Variants in CDH4 observed in about 807,000 individuals in gnomAD.
CDH4 encodes cadherin 4.
CDH4 carries 33 observed loss-of-function variants against 86.0 expected under a neutral mutation model. The ratio of observed to expected loss-of-function variants is 0.38; its 90% confidence interval spans 0.29 to 0.51. CDH4 has a LOEUF of 0.51. Ranked by LOEUF, CDH4 falls within the 20% of genes least tolerant of loss-of-function variation. CDH4 has a pLI of 0.86. For synonymous variants in CDH4, 555 were observed against 549.4 expected (o/e 1.01, Z -0.14); for missense variants, 1,114 against 1,307.4 (o/e 0.85, Z 2.28).
intron 6 of CDH4, among the ~76,000 whole-genome samples, chr20:61,859,692 G>A (rs972455969): frequency 3.9e-5 from 6 of 152,244 alleles, no homozygotes; most frequent in African/African-American, 1.4e-4. Flanking sequence ...ATCTTTGCAG[G>A]ACATCCATTG....
chr20:61,317,233 C>T (rs2084481660), intron 2 of CDH4, among the ~76,000 whole-genome samples: 1 of 152,074 alleles, frequency 6.6e-6, no homozygotes, highest in East Asian at 1.9e-4. Context: ...AACAAATTAG[C>T]CAGCTGTGGT....
chr20:61,520,943 T>C (rs1472630767), intron 2 of CDH4, among the ~76,000 whole-genome samples: 1 of 151,978 alleles, frequency 6.6e-6, no homozygotes, highest in African/African-American at 2.4e-5. Flanking sequence ...TCTGCGGGGG[T>C]GCAGCTCCAG....
intron 2 of CDH4, among the ~76,000 whole-genome samples, chr20:61,451,650 A>G (rs1320541799): frequency 6.6e-6 from 1 of 151,944 alleles, no homozygotes; most frequent in African/African-American, 2.4e-5. Context: ...GGGGTCGCCA[A>G]GGAAAACTGT....
chr20:61,552,966 T>C (rs959248392), intron 2 of CDH4, among the ~76,000 whole-genome samples: 17 of 152,192 alleles, frequency 1.1e-4, no homozygotes, highest in Admixed American at 7.8e-4. Flanking sequence ...CAAAATAGTG[T>C]GTCCACACAA....
intron 2 of CDH4, among the ~76,000 whole-genome samples, chr20:61,482,735 T>A (rs1375780721): frequency 1.3e-5 from 2 of 152,204 alleles, no homozygotes; most frequent in Non-Finnish European, 2.9e-5. Flanking sequence ...CCACCTGGCC[T>A]AGCTGTCTGT....
chr20:61,856,345 G>C (rs1393475636), intron 6 of CDH4, among the ~76,000 whole-genome samples: 2 of 152,086 alleles, frequency 1.3e-5, no homozygotes, highest in Non-Finnish European at 2.9e-5. Context: ...ACAGGCCCGG[G>C]ATCCATGAGG....
intron 8 of CDH4, among the ~76,000 whole-genome samples, chr20:61,908,453 C>T (rs2054815427): frequency 6.6e-6 from 1 of 152,148 alleles, no homozygotes; most frequent in African/African-American, 2.4e-5. Flanking sequence ...GGAAGGGGCG[C>T]GGGTGGGTCG....
chr20:61,679,641 G>A (rs1160984894), intron 2 of CDH4, among the ~76,000 whole-genome samples: 5 of 152,240 alleles, frequency 3.3e-5, no homozygotes, highest in Non-Finnish European at 5.9e-5. Context: ...GGGCAGGTGA[G>A]CAGCTGCGTG....
At chr20:61,691,370 T>TATGTGTGTGTATTTGTGTGG (rs1256089637) in intron 2 of CDH4, among the ~76,000 whole-genome samples, 10 of 152,002 alleles carry the variant, frequency 6.6e-5, no homozygotes, top group African/African-American at 1.9e-4. Flanking sequence ...TGCATGTGCA[T>TATGTGTGTGTATTTGTGTGG]ATGTGTGTGT....
Position 61,773,311 on chromosome 20 carries a change from T to A in CDH4, c.576+129T>A. The A allele has an allele frequency of 3.4e-6, 3 of 881,896 alleles. 1 individual carries two copies. The highest frequency in any genetic ancestry group is 1.9e-5 in the South Asian group (1 of 52,610). 54.6% of individuals were successfully genotyped at this position (881,896 alleles called of 1,614,324 possible). A position where few individuals can be genotyped will look rare whatever the true frequency, so the allele number is the denominator to read the frequency against. On this transcript the variant is annotated intron_variant, in intron 4 of 15. Coordinates refer to ENST00000614565, the MANE Select transcript of CDH4 (RefSeq NM_001794.5). ...GAAGGTCGCGATTTCACCCTTTCTG[T>A]AATGAGATAAGCCTTACACAGCGCG...
intron 2 of CDH4, among the ~76,000 whole-genome samples, chr20:61,651,601 T>C (rs1292121751): frequency 6.6e-6 from 1 of 152,188 alleles, no homozygotes; most frequent in African/African-American, 2.4e-5. Context: ...TTAGTTGCCC[T>C]GTTACCTCAG....
intron 2 of CDH4, among the ~76,000 whole-genome samples, chr20:61,442,456 C>T (rs2085319687): frequency 6.6e-6 from 1 of 152,200 alleles, no homozygotes; most frequent in African/African-American, 2.4e-5. Flanking sequence ...AATAACAGAT[C>T]GTGAGAACTC....
chr20:61,422,441 A>C lies in CDH4; in HGVS notation c.169+167504A>C, dbSNP rs1050302934. On this transcript the variant is annotated intron_variant, in intron 2 of 15. Coordinates refer to ENST00000614565, the MANE Select transcript of CDH4 (RefSeq NM_001794.5). The stretch of plus-strand genomic sequence containing the variant: ...CTCCGTCTCAAAAAAAAAAAAAAAA[A>C]AAAAAAAAAAAAAAAAAAAAAAAAA... Among the ~76,000 whole-genome samples, 383 of 77,176 alleles carry C rather than the reference A, an allele frequency of 5.0e-3. 14 individuals carry two copies. The highest frequency in any genetic ancestry group is 0.018 in the Admixed American group (130 of 7,156). The allele number at this position is 77,176 out of a possible 152,430, so 50.6% of individuals were successfully genotyped here.
chr20:61,846,444 G>C (rs1982460137), intron 5 of CDH4, among the ~76,000 whole-genome samples: 1 of 152,146 alleles, frequency 6.6e-6, no homozygotes, highest in African/African-American at 2.4e-5. Flanking sequence ...TCAGGAACCG[G>C]AACTCAACAG....
intron 2 of CDH4, among the ~76,000 whole-genome samples, chr20:61,382,066 A>C (rs1276777366): frequency 6.7e-6 from 1 of 148,374 alleles, no homozygotes; most frequent in African/African-American, 2.5e-5. Flanking sequence ...ACAAGAAAAA[A>C]ACTCCATCTC....
intron 2 of CDH4, among the ~76,000 whole-genome samples, chr20:61,615,430 AT>A (rs2086717685): frequency 6.6e-6 from 1 of 152,110 alleles, no homozygotes; most frequent in Non-Finnish European, 1.5e-5. Context: ...CCTATTTTGC[AT>A]TTTTTAAGTG....
At position 61,923,890 on chromosome 20, in the gene CDH4, G is replaced by A. The variant is rs188754578; in HGVS notation, c.1628+186G>A. Among the ~76,000 whole-genome samples, 582 of 152,336 alleles carry A rather than the reference G, an allele frequency of 3.8e-3. 7 individuals carry two copies. Among genetic ancestry groups the A allele is most frequent in the African/African-American group, 0.013 (549 of 41,580 alleles). ...CCTTAGTCCCAGATAGCCAGATGCA[G>A]CCCCTGATCAATCGTGAGTGTTGTG... On this transcript the variant is annotated intron_variant, in intron 10 of 15. Transcript: ENST00000614565.
Position 61,868,853 on chromosome 20 carries a change from C to T in CDH4, c.878-4875C>T, listed in dbSNP as rs114402075. ...CGGGAGACGGGGAGCTCTGAGCACA[C>T]GTGGGGAAGCCCCATCCCAGCCGGG... On this transcript the variant is annotated intron_variant, in intron 6 of 15. Transcript: ENST00000614565. 2.9e-3 allele frequency among the ~76,000 whole-genome samples: 443 copies of T among 152,366 alleles called. 2 individuals carry two copies. The highest frequency in any genetic ancestry group is 0.01 in the African/African-American group (417 of 41,590).
At chr20:61,805,273 T>G (rs559044915) in intron 4 of CDH4, among the ~76,000 whole-genome samples, 3 of 152,230 alleles carry the variant, frequency 2.0e-5, no homozygotes, top group Non-Finnish European at 4.4e-5. Flanking sequence ...TAAGGATCCC[T>G]GGGGTGCTGT....
Sources: gnomAD v4.1 joint callset for allele counts (sites outside exome capture counted in the v4.1 genomes callset) on GRCh38, gnomAD v4.1.1 for gene constraint, MANE v1.5 for transcripts, NCBI Gene and HGNC (gene_info 2026-07-23, HGNC 2026-07-21) for gene names.